ZCCHC7: variants seen among roughly 807,000 people sequenced by gnomAD.
The protein encoded by ZCCHC7 is zinc finger CCHC-type containing 7.
In ZCCHC7, 35 loss-of-function variants were observed where a neutral mutation model predicts 52.0. That is an observed-to-expected ratio of 0.67 (90% CI 0.51 to 0.89). The LOEUF is 0.89. ZCCHC7 is among the 40% of genes least tolerant of loss of function. The pLI is 0.00. For synonymous variants in ZCCHC7, 217 were observed against 221.5 expected (o/e 0.98, Z 0.18); for missense variants, 574 against 649.1 (o/e 0.88, Z 1.26).
intron 2 of ZCCHC7, among the ~76,000 whole-genome samples, chr9:37,172,135 G>A (rs1821762424): frequency 6.6e-6 from 1 of 152,114 alleles, no homozygotes; most frequent in African/African-American, 2.4e-5. Flanking sequence ...AAGATCAGAG[G>A]CAAAATTCAT....
At chr9:37,175,741 A>G (rs75286561) in intron 2 of ZCCHC7, among the ~76,000 whole-genome samples, 1,943 of 152,224 alleles carry the variant, frequency 0.013, 38 homozygotes, top group African/African-American at 0.045. Context: ...ACTCTGTTTC[A>G]GTAAAATTTT....
At chr9:37,202,912 A>G (rs1296351030) in intron 2 of ZCCHC7, among the ~76,000 whole-genome samples, 2 of 152,270 alleles carry the variant, frequency 1.3e-5, no homozygotes, top group Non-Finnish European at 2.9e-5. Context: ...ACTAGAATCT[A>G]AGAGAAAATT....
At chr9:37,275,422 A>AT (rs1308903486) in intron 2 of ZCCHC7, among the ~76,000 whole-genome samples, 1 of 147,724 alleles carries the variant, frequency 6.8e-6, no homozygotes, top group African/African-American at 2.5e-5. Flanking sequence ...GCTGTGGTTC[A>AT]TTTTTTTGTT....
chr9:37,323,944 GTTCTT>G (rs1830145638), intron 5 of ZCCHC7, among the ~76,000 whole-genome samples: 1 of 152,094 alleles, frequency 6.6e-6, no homozygotes, highest in Non-Finnish European at 1.5e-5. Context: ...GAGTAGGGGC[GTTCTT>G]TTTAATAAAG....
chr9:37,156,622 C>A (rs1419242290), intron 2 of ZCCHC7, among the ~76,000 whole-genome samples: 1 of 152,130 alleles, frequency 6.6e-6, no homozygotes, highest in East Asian at 1.9e-4. Context: ...CTATTAAATT[C>A]TTTATAAAAT....
chr9:37,159,392 A>G (rs1390955859), intron 2 of ZCCHC7, among the ~76,000 whole-genome samples: 4 of 152,226 alleles, frequency 2.6e-5, no homozygotes, highest in African/African-American at 9.6e-5. Context: ...TTACTAATCT[A>G]TTATGTAAAG....
In ZCCHC7 at chr9:37,152,761, G is replaced by A. The variant is rs915528324; in HGVS notation, c.610+25819G>A. Among the ~76,000 whole-genome samples, 4 of 152,264 alleles carry A rather than the reference G, an allele frequency of 2.6e-5. No individual in the cohort carries two copies. In the East Asian group the frequency reaches 5.8e-4, roughly 22 times the overall value. ...TAGCCTTGATTACCTTGCTGAGGTC[G>A]TGTTTGTCTGGTTTCTCTACTGTGA... On this transcript the variant is annotated intron_variant, in intron 2 of 8. Coordinates refer to ENST00000336755, the MANE Select transcript of ZCCHC7 (RefSeq NM_032226.3).
At chr9:37,213,868 C>T (rs1052374378) in intron 2 of ZCCHC7, among the ~76,000 whole-genome samples, 6 of 151,982 alleles carry the variant, frequency 3.9e-5, no homozygotes, top group African/African-American at 1.2e-4. Context: ...TTGCATATTT[C>T]CATTTCCCTG....
At chr9:37,302,462 A>G (rs1213491962) in intron 3 of ZCCHC7, among the ~76,000 whole-genome samples, 1 of 152,164 alleles carries the variant, frequency 6.6e-6, no homozygotes, top group African/African-American at 2.4e-5. Context: ...TCCTGCGGTG[A>G]GTCCTCTCAG....
intron 2 of ZCCHC7, among the ~76,000 whole-genome samples, chr9:37,221,611 CT>C (rs1226567405): frequency 6.6e-6 from 1 of 151,878 alleles, no homozygotes; most frequent in Non-Finnish European, 1.5e-5. Flanking sequence ...TGCACAGTTT[CT>C]AAATATACAA....
At chr9:37,326,545 A>C (rs546915053) in intron 5 of ZCCHC7, among the ~76,000 whole-genome samples, 1 of 151,586 alleles carries the variant, frequency 6.6e-6, no homozygotes, top group South Asian at 2.1e-4. Flanking sequence ...GAAAGTTAAA[A>C]TGCGTAAAGG....
At chr9:37,280,738 TTCTCTCTGTCTCTCTC>T (rs1172888698) in intron 2 of ZCCHC7, among the ~76,000 whole-genome samples, 1 of 152,132 alleles carries the variant, frequency 6.6e-6, no homozygotes, top group Non-Finnish European at 1.5e-5. Context: ...TTCTCTGATT[TTCTCTCTGTCTCTCTC>T]TCTCTCTTTC....
chr9:37,340,878 G>A (rs564897496), intron 6 of ZCCHC7, among the ~76,000 whole-genome samples: 13 of 152,022 alleles, frequency 8.6e-5, no homozygotes, highest in South Asian at 2.1e-4. Context: ...TGTAGATAGC[G>A]TTTGTCATGT....
At chr9:37,159,542 G>C (rs945421934) in intron 2 of ZCCHC7, among the ~76,000 whole-genome samples, 4 of 152,276 alleles carry the variant, frequency 2.6e-5, no homozygotes, top group African/African-American at 9.6e-5. Flanking sequence ...GATTTTGTTG[G>C]GGTGGAACTT....
chr9:37,309,101 C>T (rs1337251917), intron 5 of ZCCHC7, among the ~76,000 whole-genome samples: 1 of 152,076 alleles, frequency 6.6e-6, no homozygotes, highest in Non-Finnish European at 1.5e-5. Context: ...CCAAATCTAC[C>T]AGTATCTACT....
chr9:37,251,228 C>T (rs902198454), intron 2 of ZCCHC7, among the ~76,000 whole-genome samples: 7 of 151,488 alleles, frequency 4.6e-5, no homozygotes, highest in African/African-American at 1.7e-4. Context: ...GCAATCTTTC[C>T]TGTCCTCAAC....
intron 5 of ZCCHC7, among the ~76,000 whole-genome samples, chr9:37,318,990 G>C (rs1326521038): frequency 1.3e-5 from 2 of 149,286 alleles, no homozygotes; most frequent in Admixed American, 6.7e-5. Flanking sequence ...ATTTGCTCTT[G>C]TTATGTCAGG....
At chr9:37,224,032 G>C (rs529806892) in intron 2 of ZCCHC7, among the ~76,000 whole-genome samples, 24 of 152,092 alleles carry the variant, frequency 1.6e-4, no homozygotes, top group African/African-American at 4.8e-4. Flanking sequence ...GTAAAACTTA[G>C]GTTCTGGTTC....
intron 6 of ZCCHC7, among the ~76,000 whole-genome samples, chr9:37,329,373 AAG>A (rs1491207261): frequency 6.6e-6 from 1 of 151,852 alleles, no homozygotes; most frequent in Non-Finnish European, 1.5e-5. Flanking sequence ...AAATTTTAAA[AAG>A]AATCATTAGG....
Sources: gnomAD v4.1 joint callset for allele counts (sites outside exome capture counted in the v4.1 genomes callset) on GRCh38, gnomAD v4.1.1 for gene constraint, MANE v1.5 for transcripts, NCBI Gene and HGNC (gene_info 2026-07-23, HGNC 2026-07-21) for gene names.